The following SLC6A11 variants were observed in gnomAD, a reference collection of about 807,000 sequenced individuals.
SLC6A11 encodes solute carrier family 6 member 11, also known as sodium- and chloride-dependent GABA transporter 3.
Under a neutral mutation model 74.8 loss-of-function variants are expected in SLC6A11, and 25 were observed. The observed-to-expected ratio is 0.33, with a 90% CI of 0.24 to 0.47. The LOEUF is 0.47. Ranked by LOEUF, SLC6A11 falls within the 20% of genes least tolerant of loss-of-function variation. The pLI, the probability that SLC6A11 is intolerant of heterozygous loss-of-function variation, is 1.00. For synonymous variants in SLC6A11, 330 were observed against 330.2 expected, an observed-to-expected ratio of 1.00 and a Z score of 0.01; for missense variants, 574 against 837.0, an observed-to-expected ratio of 0.69 and a Z score of 3.88.
intron 6 of SLC6A11, among the ~76,000 whole-genome samples, chr3:10,900,247 C>T (rs1399015852): frequency 2.0e-5 from 3 of 152,144 alleles, no homozygotes; most frequent in Non-Finnish European, 4.4e-5. Flanking sequence ...AGTAAGTTCT[C>T]CACTTGGCCT....
intron 5 of SLC6A11, among the ~76,000 whole-genome samples, chr3:10,847,537 T>G (rs1467738999): frequency 6.6e-6 from 1 of 152,190 alleles, no homozygotes; most frequent in Non-Finnish European, 1.5e-5. Flanking sequence ...TGGTTTGGTC[T>G]GCCTCTGCCC....
At chr3:10,910,517 G>A (rs898909144) in intron 6 of SLC6A11, among the ~76,000 whole-genome samples, 4 of 152,190 alleles carry the variant, frequency 2.6e-5, no homozygotes, top group Non-Finnish European at 5.9e-5. Context: ...AAGGGTCTGG[G>A]TCAGAAGATA....
In SLC6A11 at chr3:10,934,272, G is replaced by A. The variant is rs920318541; in HGVS notation, c.1575+106G>A. 16 of 752,136 alleles carry A rather than the reference G, an allele frequency of 2.1e-5. No homozygotes were observed. The Admixed American group carries it at 3.0e-4, about 14-fold the overall frequency. 46.6% of individuals were successfully genotyped at this position (752,136 alleles called of 1,614,324 possible). A position where few individuals can be genotyped will look rare whatever the true frequency, so the allele number is the denominator to read the frequency against. ...CACCCTGGCCGAGGCTGGACCTGAG[G>A]AGGCTGATGTCCCCTGGTTCAGGCC... is the stretch of plus-strand genomic sequence containing the variant. On this transcript the variant is annotated intron_variant, in intron 12 of 13. Transcript: ENST00000254488.
At position 10,933,119 on chromosome 3, in the gene SLC6A11, T is replaced by G. The variant is rs1402283296; in HGVS notation, c.1372-32T>G. On this transcript the variant is annotated intron_variant, in intron 10 of 13. Coordinates refer to ENST00000254488, the MANE Select transcript of SLC6A11 (RefSeq NM_014229.3). ...CTGCTCTCCCGTGTGTCCGTTCACC[T>G]CCCATCCGTGTGTCTGTTCCCCGAC... The G allele has an allele frequency of 3.3e-6, 5 of 1,513,094 alleles. 1 individual carries two copies. In the Admixed American group the frequency reaches 8.4e-5, roughly 25 times the overall value. 93.7% of individuals were successfully genotyped at this position (1,513,094 alleles called of 1,614,324 possible).
chr3:10,862,653 A>C (rs1559563398), intron 5 of SLC6A11, among the ~76,000 whole-genome samples: 1 of 152,130 alleles, frequency 6.6e-6, no homozygotes, highest in African/African-American at 2.4e-5. Flanking sequence ...TTCATGTAGC[A>C]CATTCTAGAT....
intron 6 of SLC6A11, among the ~76,000 whole-genome samples, chr3:10,898,259 T>A (rs1359571351): frequency 2.0e-5 from 3 of 152,236 alleles, no homozygotes; most frequent in Non-Finnish European, 4.4e-5. Flanking sequence ...AACATTCGGC[T>A]CCTGGTTACT....
At chr3:10,860,315 G>C (rs1253986933) in intron 5 of SLC6A11, among the ~76,000 whole-genome samples, 2 of 152,208 alleles carry the variant, frequency 1.3e-5, no homozygotes, top group South Asian at 2.1e-4. Context: ...TCCGGCAGTG[G>C]AAACTACATT....
intron 4 of SLC6A11, chr3:10,824,846 A>G (rs929653294): frequency 9.9e-5 from 15 of 152,232 alleles, no homozygotes; most frequent in African/African-American, 3.6e-4. Flanking sequence ...TGTAGCATAC[A>G]TGCGTTGTCA....
At chr3:10,880,113 A>G (rs1384664386) in intron 6 of SLC6A11, among the ~76,000 whole-genome samples, 1 of 152,218 alleles carries the variant, frequency 6.6e-6, no homozygotes, top group African/African-American at 2.4e-5. Context: ...TAGGACTTCC[A>G]TAGCCACATG....
At chr3:10,935,252 T>A in intron 13 of SLC6A11, 53 bp downstream of exon 13, 1 of 1,547,874 alleles carries the variant, frequency 6.5e-7, no homozygotes, top group Non-Finnish European at 8.9e-7. Context: ...GCGCCTTGGG[T>A]CCCAGTTTCC....
intron 5 of SLC6A11, among the ~76,000 whole-genome samples, chr3:10,858,166 T>C (rs1022309324): frequency 2.5e-4 from 38 of 152,220 alleles, no homozygotes; most frequent in African/African-American, 9.2e-4. Context: ...GTACAGCCAT[T>C]AGTGACATGA....
At chr3:10,908,802 G>C (rs532291672) in intron 6 of SLC6A11, among the ~76,000 whole-genome samples, 1 of 152,106 alleles carries the variant, frequency 6.6e-6, no homozygotes, top group East Asian at 1.9e-4. Context: ...AGTAATTTGG[G>C]ATTGATTAAA....
chr3:10,902,624 G>A (rs893564297), intron 6 of SLC6A11, among the ~76,000 whole-genome samples: 1 of 152,240 alleles, frequency 6.6e-6, no homozygotes, highest in African/African-American at 2.4e-5. Flanking sequence ...GGGTTGCATA[G>A]CAGTAAGCGA....
In SLC6A11 at chr3:10,938,456, A is replaced by G; in HGVS notation, c.*54A>G. The G allele has an allele frequency of 6.6e-7, 1 of 1,524,852 alleles. No individual in the cohort carries two copies. 94.5% of individuals were successfully genotyped at this position (1,524,852 alleles called of 1,614,324 possible). A position where few individuals can be genotyped will look rare whatever the true frequency, so the allele number is the denominator to read the frequency against. Reference sequence around the variant, plus strand: ...TCCTTTCTTCCCCCCGTGTATGTAAATGAATTCCTGAACCCCATACTTCAC... The same window carrying G: ...TCCTTTCTTCCCCCCGTGTATGTAAGTGAATTCCTGAACCCCATACTTCAC... On this transcript the variant is annotated 3_prime_UTR_variant, in exon 14 of 14. Coordinates refer to ENST00000254488, the MANE Select transcript of SLC6A11 (RefSeq NM_014229.3).
intron 5 of SLC6A11, among the ~76,000 whole-genome samples, chr3:10,863,678 C>T (rs1268436296): frequency 6.6e-6 from 1 of 152,072 alleles, no homozygotes; most frequent in Non-Finnish European, 1.5e-5. Context: ...TGAAGGTCAG[C>T]AAGATTTTCA....
intron 5 of SLC6A11, among the ~76,000 whole-genome samples, chr3:10,873,817 C>G (rs141697562): frequency 6.6e-6 from 1 of 150,446 alleles, no homozygotes; most frequent in Non-Finnish European, 1.5e-5. Context: ...GCTATCCTAT[C>G]CTATCCTATC....
chr3:10,867,896 T>C (rs889814257), intron 5 of SLC6A11, among the ~76,000 whole-genome samples: 1 of 152,214 alleles, frequency 6.6e-6, no homozygotes, highest in African/African-American at 2.4e-5. Context: ...AATCACATTT[T>C]ATTTTCGTCA....
chr3:10,915,458 G>A lies in SLC6A11; in HGVS notation c.996-2871G>A, dbSNP rs377454348. On this transcript the variant is annotated intron_variant, in intron 7 of 13. Transcript: ENST00000254488. The surrounding 1 kb of genome is among the most constrained non-coding windows in gnomAD (Gnocchi z 4.3). The stretch of plus-strand genomic sequence containing the variant: ...AGTGGGTCTTCTCAACTCCAGTGGA[G>A]TAAATTAGTACCCTCTCTCCTGACA... Among the ~76,000 whole-genome samples the A allele has an allele frequency of 6.6e-6, 1 of 152,300 alleles. No homozygotes were observed. Among genetic ancestry groups the A allele is most frequent in the East Asian group, 1.9e-4 (1 of 5,182 alleles).
Position 10,915,622 on chromosome 3 carries a change from A to G in SLC6A11, c.996-2707A>G, listed in dbSNP as rs1408286542. Among the ~76,000 whole-genome samples, 1 of 152,080 alleles carries G rather than the reference A, an allele frequency of 6.6e-6. No individual in the cohort carries two copies. Among genetic ancestry groups the G allele is most frequent in the African/African-American group, 2.4e-5 (1 of 41,406 alleles). ...GGAAATGGGAGCGAGCCAGGCAGGG[A>G]AAATCCTCACTTCCGAAGACACCAC... On this transcript the variant is annotated intron_variant, in intron 7 of 13. Coordinates refer to ENST00000254488, the MANE Select transcript of SLC6A11 (RefSeq NM_014229.3). This position sits in a 1 kb window ranked among gnomAD's most constrained non-coding sequence, Gnocchi z 4.3.
Sources: gnomAD v4.1 joint callset for allele counts (sites outside exome capture counted in the v4.1 genomes callset) on GRCh38, gnomAD v4.1.1 for gene constraint, Gnocchi (gnomAD v3.1) non-coding constraint, MANE v1.5 for transcripts, NCBI Gene and HGNC (gene_info 2026-07-23, HGNC 2026-07-21) for gene names.